Variants in CDK8 observed in about 807,000 individuals in gnomAD.
CDK8 encodes cyclin dependent kinase 8, also known as cyclin-dependent kinase 8.
A neutral mutation model predicts 71.5 loss-of-function variants in CDK8; 29 were observed. The observed-to-expected ratio is 0.41, with a 90% confidence interval of 0.30 to 0.55. The LOEUF is 0.55. Ranked by LOEUF, CDK8 falls within the 20% of genes least tolerant of loss-of-function variation. The probability of loss-of-function intolerance (pLI) is 0.37; values close to 1 mark genes in which losing one functional copy is unlikely to be tolerated. For synonymous variants in CDK8, 161 were observed against 192.1 expected, an observed-to-expected ratio of 0.84 and a Z score of 1.34; for missense variants, 288 against 572.6, an observed-to-expected ratio of 0.50 and a Z score of 5.07.
intron 4 of CDK8, among the ~76,000 whole-genome samples, chr13:26,361,875 C>T (rs1449310667): frequency 7.3e-6 from 1 of 137,046 alleles, no homozygotes; most frequent in Non-Finnish European, 1.5e-5. Context: ...AGAGATCGTC[C>T]TGCCTCAGCC....
At chr13:26,281,038 A>G (rs558131639) in intron 1 of CDK8, among the ~76,000 whole-genome samples, 2 of 152,372 alleles carry the variant, frequency 1.3e-5, no homozygotes, top group African/African-American at 4.8e-5. Context: ...GGCCAACCAC[A>G]ATATTACAGC....
intron 6 of CDK8, among the ~76,000 whole-genome samples, chr13:26,392,597 A>G (rs906013414): frequency 7.2e-5 from 11 of 152,072 alleles, no homozygotes; most frequent in African/African-American, 2.7e-4. Context: ...ACATGCTGGG[A>G]TTATAGGCAT....
At chr13:26,298,218 A>G (rs777861788) in intron 1 of CDK8, among the ~76,000 whole-genome samples, 3 of 152,138 alleles carry the variant, frequency 2.0e-5, no homozygotes, top group Admixed American at 6.5e-5. Context: ...ATGTCTGCCT[A>G]CAGTAGTGTG....
In CDK8 at chr13:26,401,959, G is replaced by A. The variant is rs1462402849; in HGVS notation, c.1269+335G>A. 6.6e-6 allele frequency among the ~76,000 whole-genome samples: 1 copy of A among 152,168 alleles called. No homozygotes were observed. The highest frequency in any genetic ancestry group is 1.5e-5 in the Non-Finnish European group (1 of 68,026). Reference sequence around the variant, plus strand: ...GCTGTTGTCAGATTAGACATGAAGTGGCTTGACACCTAGCTTATGGTAGGA... The same window carrying A: ...GCTGTTGTCAGATTAGACATGAAGTAGCTTGACACCTAGCTTATGGTAGGA... On this transcript the variant is annotated intron_variant, in intron 12 of 12. Coordinates refer to ENST00000381527, the MANE Select transcript of CDK8 (RefSeq NM_001260.3). The surrounding 1 kb of genome is among the most constrained non-coding windows in gnomAD (Gnocchi z 4.5).
intron 1 of CDK8, among the ~76,000 whole-genome samples, chr13:26,301,212 C>CTT (rs36054795): frequency 8.0e-4 from 74 of 92,884 alleles, no homozygotes; most frequent in Non-Finnish European, 1.2e-3. Context: ...TATCAGTAGA[C>CTT]TTTTTTTTTT....
intron 6 of CDK8, among the ~76,000 whole-genome samples, chr13:26,387,634 C>T (rs1404107648): frequency 6.6e-6 from 1 of 152,098 alleles, no homozygotes; most frequent in East Asian, 1.9e-4. Context: ...CTGGTATTCC[C>T]AAGAACAAAA....
chr13:26,302,024 A>G (rs1326519704), intron 1 of CDK8, among the ~76,000 whole-genome samples: 1 of 152,184 alleles, frequency 6.6e-6, no homozygotes, highest in African/African-American at 2.4e-5. Flanking sequence ...GTGCGGACCC[A>G]TCTGTGTCAG....
chr13:26,331,432 CT>C (rs1284353900), intron 1 of CDK8, among the ~76,000 whole-genome samples: 3 of 152,106 alleles, frequency 2.0e-5, no homozygotes, highest in African/African-American at 4.8e-5. Flanking sequence ...TGTGCAGAAG[CT>C]TTTTTGTGTA....
intron 1 of CDK8, among the ~76,000 whole-genome samples, chr13:26,317,178 TGAA>T (rs1275003571): frequency 2.0e-5 from 3 of 152,088 alleles, no homozygotes; most frequent in Non-Finnish European, 2.9e-5. Flanking sequence ...AGAGCATATT[TGAA>T]GAACTGATGC....
chr13:26,355,683 A>G (rs555985723), intron 4 of CDK8, among the ~76,000 whole-genome samples: 53 of 152,200 alleles, frequency 3.5e-4, no homozygotes, highest in Non-Finnish European at 6.9e-4. Context: ...GCATTTTGTG[A>G]AGCTCAAAAT....
chr13:26,362,274 A>G (rs1207106533), intron 4 of CDK8, among the ~76,000 whole-genome samples: 2 of 151,498 alleles, frequency 1.3e-5, no homozygotes, highest in Admixed American at 1.3e-4. Context: ...ATGGATAGAT[A>G]GATGAATGAC....
intron 6 of CDK8, among the ~76,000 whole-genome samples, chr13:26,390,310 A>G (rs944793206): frequency 6.6e-6 from 1 of 152,218 alleles, no homozygotes; most frequent in African/African-American, 2.4e-5. Flanking sequence ...GCTACTAAGA[A>G]GGAGCAAAAG....
chr13:26,370,158 CT>C (rs1321518103), intron 4 of CDK8, among the ~76,000 whole-genome samples: 4 of 152,090 alleles, frequency 2.6e-5, no homozygotes, highest in Non-Finnish European at 5.9e-5. Flanking sequence ...TCCTTAATAA[CT>C]TTATAGGAAG....
chr13:26,378,226 A>T (rs1421050117), intron 4 of CDK8, among the ~76,000 whole-genome samples: 1 of 152,212 alleles, frequency 6.6e-6, no homozygotes, highest in Non-Finnish European at 1.5e-5. Context: ...CTTTTTCAAG[A>T]TAGAGCTTTT....
Position 26,359,540 on chromosome 13 carries a change from T to C in CDK8, c.456+5660T>C, listed in dbSNP as rs76139025. 7.6e-3 allele frequency: 1,297 copies of C among 171,698 alleles called. 7 individuals carry two copies. The highest frequency in any genetic ancestry group is 0.014 in the African/African-American group (586 of 41,790). The allele number at this position is 171,698 out of a possible 1,614,324, so 10.6% of individuals were successfully genotyped here. A position where few individuals can be genotyped will look rare whatever the true frequency, so the allele number is the denominator to read the frequency against. On this transcript the variant is annotated intron_variant, in intron 4 of 12. Transcript: ENST00000381527. ...GATACTGTTTGTGTAGAAGCCCAGT[T>C]TTGATTTGGCAATGGTATCTGAACT...
At chr13:26,265,898 G>C (rs1239909572) in intron 1 of CDK8, among the ~76,000 whole-genome samples, 6 of 152,310 alleles carry the variant, frequency 3.9e-5, no homozygotes, top group Non-Finnish European at 1.5e-5. Flanking sequence ...TAAAAAGATT[G>C]CTTGGTAACA....
At chr13:26,341,035 C>G (rs1873218789) in intron 2 of CDK8, among the ~76,000 whole-genome samples, 1 of 152,200 alleles carries the variant, frequency 6.6e-6, no homozygotes, top group Non-Finnish European at 1.5e-5. Context: ...CATCAGTATT[C>G]CACAAGGCTG....
Position 26,265,017 on chromosome 13 carries a change from T to C in CDK8, c.128+10248T>C, listed in dbSNP as rs189299053. 2.0e-5 allele frequency among the ~76,000 whole-genome samples: 3 copies of C among 152,368 alleles called. No homozygotes were observed. In the East Asian group the frequency reaches 5.8e-4, roughly 29 times the overall value. ...GATTGATGCCATACCTTTGCTGTTG[T>C]AAATAGTGTTGCCATAAACATGCGA... On this transcript the variant is annotated intron_variant, in intron 1 of 12. Coordinates refer to ENST00000381527, the MANE Select transcript of CDK8 (RefSeq NM_001260.3).
At chr13:26,298,942 GT>G (rs375592003) in intron 1 of CDK8, among the ~76,000 whole-genome samples, 193 of 152,050 alleles carry the variant, frequency 1.3e-3, no homozygotes, top group African/African-American at 3.7e-3. Context: ...AGCACCAGTG[GT>G]TAACTGTGGT....
Sources: allele counts gnomAD v4.1 joint callset (sites outside exome capture counted in the v4.1 genomes callset), GRCh38; gene constraint gnomAD v4.1.1; non-coding constraint Gnocchi (gnomAD v3.1); transcripts MANE v1.5; gene names NCBI Gene and HGNC (gene_info 2026-07-23, HGNC 2026-07-21).